SGCD: variants seen among roughly 807,000 people sequenced by gnomAD.
SGCD encodes the protein sarcoglycan delta.
A neutral mutation model predicts 36.6 loss-of-function variants in SGCD; 18 were observed. The ratio of observed to expected loss-of-function variants is 0.49; its 90% CI spans 0.34 to 0.73. SGCD has a LOEUF of 0.73. Among genes scored for constraint, SGCD ranks in the 30% least tolerant of loss-of-function variants. The pLI, the probability that SGCD is intolerant of heterozygous loss-of-function variation, is 0.01. For synonymous variants in SGCD, 133 were observed against 130.6 expected (o/e 1.02, Z -0.12); for missense variants, 387 against 346.7 (o/e 1.12, Z -0.92).
In SGCD at chr5:156,762,118, G is replaced by A. The variant is rs1445808915; in HGVS notation, c.*2728G>A. The A allele has an allele frequency of 6.6e-6, 1 of 152,252 alleles. No homozygotes were observed. The highest frequency in any genetic ancestry group is 2.4e-5 in the African/African-American group (1 of 41,280). 9.4% of individuals were successfully genotyped at this position (152,252 alleles called of 1,614,324 possible). On this transcript the variant is annotated 3_prime_UTR_variant, in exon 9 of 9. Coordinates refer to ENST00000337851, the MANE Select transcript of SGCD (RefSeq NM_000337.6). ...CTGAATTCTTGGGGGCCGGCGGGGA[G>A]CTTTTACATTAAAAATCTACTAACG...
At chr5:156,311,774 C>T (rs1398154981) in intron 3 of SGCD, among the ~76,000 whole-genome samples, 1 of 152,128 alleles carries the variant, frequency 6.6e-6, no homozygotes, top group Non-Finnish European at 1.5e-5. Context: ...AAACACTCAC[C>T]TAATATCATA....
chr5:155,968,692 C>A (rs1581017848), intron 1 of SGCD, among the ~76,000 whole-genome samples: 1 of 152,168 alleles, frequency 6.6e-6, no homozygotes. Context: ...TGGAACGTAT[C>A]CTCCTCAGAT....
At chr5:156,024,555 T>A (rs1759183133) in intron 1 of SGCD, among the ~76,000 whole-genome samples, 1 of 152,096 alleles carries the variant, frequency 6.6e-6, no homozygotes. Context: ...GTTTAATGAA[T>A]CACTGTGGCC....
At chr5:156,527,071 C>T (rs1466873461) in intron 4 of SGCD, among the ~76,000 whole-genome samples, 1 of 152,094 alleles carries the variant, frequency 6.6e-6, no homozygotes, top group Non-Finnish European at 1.5e-5. Context: ...CAAATTCTTC[C>T]TCATTGCCTA....
intron 1 of SGCD, 26 bp from the exon 2 acceptor site, chr5:156,329,508 T>G: frequency 6.4e-7 from 1 of 1,550,736 alleles, no homozygotes; most frequent in South Asian, 1.1e-5. Context: ...CAGACCTTAT[T>G]TTTAACCCAT....
intron 1 of SGCD, among the ~76,000 whole-genome samples, chr5:156,073,331 G>T (rs778837735): frequency 1.4e-4 from 21 of 152,284 alleles, no homozygotes; most frequent in Non-Finnish European, 2.9e-4. Context: ...GCCAAGGTGG[G>T]AGGATTACTT....
intron 1 of SGCD, among the ~76,000 whole-genome samples, chr5:155,904,679 G>A (rs963385499): frequency 6.6e-6 from 1 of 152,148 alleles, no homozygotes; most frequent in African/African-American, 2.4e-5. Context: ...ATATATGCCT[G>A]TTGACACTGG....
chr5:155,971,117 A>G (rs897928187), intron 1 of SGCD, among the ~76,000 whole-genome samples: 3 of 152,286 alleles, frequency 2.0e-5, no homozygotes, highest in African/African-American at 7.2e-5. Context: ...CTTTTTGGGA[A>G]GATCACCATC....
intron 6 of SGCD, among the ~76,000 whole-genome samples, chr5:156,612,934 G>C (rs1761883577): frequency 6.6e-6 from 1 of 152,204 alleles, no homozygotes; most frequent in Non-Finnish European, 1.5e-5. Context: ...CTCTCTGGCA[G>C]CAAGGACTAT....
At position 156,423,377 on chromosome 5, in the gene SGCD, TATA is replaced by T. The variant is rs1361479800; in HGVS notation, c.192+78704_192+78706del. On this transcript the variant is annotated intron_variant, in intron 3 of 8. Coordinates refer to ENST00000337851, the MANE Select transcript of SGCD (RefSeq NM_000337.6). ...TTTATTATAATATATTATATTTTAT[TATA>T]ATATAATATATTATATTTTATTATA... Among the ~76,000 whole-genome samples, 11 of 86,340 alleles carry T rather than the reference TATA, an allele frequency of 1.3e-4. 1 individual carries two copies. The highest frequency in any genetic ancestry group is 2.1e-4 in the Non-Finnish European group (10 of 47,124). The allele number at this position is 86,340 out of a possible 152,430, so 56.6% of individuals were successfully genotyped here. A position where few individuals can be genotyped will look rare whatever the true frequency, so the allele number is the denominator to read the frequency against.
chr5:155,942,122 T>G (rs1408806631), intron 1 of SGCD, among the ~76,000 whole-genome samples: 2 of 152,158 alleles, frequency 1.3e-5, no homozygotes, highest in Admixed American at 1.3e-4. Context: ...ATATTATATA[T>G]GTAATATAGT....
intron 1 of SGCD, among the ~76,000 whole-genome samples, chr5:155,984,191 G>A (rs774209949): frequency 1.8e-4 from 27 of 152,164 alleles, no homozygotes; most frequent in Non-Finnish European, 3.2e-4. Context: ...GGGTAGGAAT[G>A]TATTCACTTA....
intron 3 of SGCD, among the ~76,000 whole-genome samples, chr5:156,297,253 G>A (rs928587151): frequency 2.0e-5 from 3 of 151,796 alleles, no homozygotes; most frequent in Admixed American, 1.3e-4. Context: ...ATCTAGAACT[G>A]GAAATACCAT....
At chr5:156,692,000 T>C (rs1187885766) in intron 7 of SGCD, among the ~76,000 whole-genome samples, 1 of 152,226 alleles carries the variant, frequency 6.6e-6, no homozygotes, top group Non-Finnish European at 1.5e-5. Flanking sequence ...AATTTTGATG[T>C]GTGGAACTGA....
chr5:156,277,881 A>G (rs192801532), intron 3 of SGCD, among the ~76,000 whole-genome samples: 2 of 152,312 alleles, frequency 1.3e-5, no homozygotes, highest in East Asian at 1.9e-4. Flanking sequence ...CCAGACATAA[A>G]CAAGACATAT....
At chr5:156,137,004 G>A (rs551905696) in intron 3 of SGCD, among the ~76,000 whole-genome samples, 134 of 150,820 alleles carry the variant, frequency 8.9e-4, no homozygotes, top group Non-Finnish European at 1.4e-3. Flanking sequence ...AGTGAGGGAG[G>A]AAAGGAGCAA....
intron 7 of SGCD, among the ~76,000 whole-genome samples, chr5:156,685,746 C>T (rs980806640): frequency 6.6e-6 from 1 of 152,218 alleles, no homozygotes; most frequent in Non-Finnish European, 1.5e-5. Flanking sequence ...ACAGTACCTA[C>T]TTAACAAATG....
chr5:156,023,142 T>C (rs1759145756), intron 1 of SGCD, among the ~76,000 whole-genome samples: 1 of 152,232 alleles, frequency 6.6e-6, no homozygotes, highest in African/African-American at 2.4e-5. Context: ...ATATGAATGA[T>C]GACATCCCTG....
chr5:156,248,397 G>A (rs756013531), intron 3 of SGCD, among the ~76,000 whole-genome samples: 78 of 152,264 alleles, frequency 5.1e-4, no homozygotes, highest in Non-Finnish European at 9.3e-4. Context: ...GCATGTGCCT[G>A]TAATTCCAGC....
Sources: gnomAD v4.1 joint callset for allele counts (sites outside exome capture counted in the v4.1 genomes callset) on GRCh38, gnomAD v4.1.1 for gene constraint, MANE v1.5 for transcripts, NCBI Gene and HGNC (gene_info 2026-07-23, HGNC 2026-07-21) for gene names.